The following CPA6 variants were observed in gnomAD, a reference collection of about 807,000 sequenced individuals.
The protein encoded by CPA6 is carboxypeptidase A6.
CPA6 carries 58 observed loss-of-function variants against 63.3 expected under a neutral mutation model. The ratio of observed to expected loss-of-function variants is 0.92; its 90% CI spans 0.74 to 1.14. The LOEUF (loss-of-function observed/expected upper bound fraction) is 1.14, where lower values mean the gene tolerates loss of function less well. Among genes scored for constraint, CPA6 ranks in the 50% most tolerant of loss-of-function variants. The pLI, the probability that CPA6 is intolerant of heterozygous loss-of-function variation, is 0.00. For missense variants in CPA6, 565 were observed against 526.6 expected (o/e 1.07, Z -0.71); for synonymous variants, 185 against 179.0 (o/e 1.03, Z -0.27).
chr8:67,495,256 C>T (rs1344661454), intron 6 of CPA6, among the ~76,000 whole-genome samples: 4 of 152,180 alleles, frequency 2.6e-5, no homozygotes, highest in Non-Finnish European at 5.9e-5. Context: ...CCATCCTCCT[C>T]TTCCATTCCC....
intron 1 of CPA6, among the ~76,000 whole-genome samples, chr8:67,670,161 G>A (rs747515947): frequency 2.0e-5 from 3 of 152,116 alleles, no homozygotes; most frequent in Admixed American, 6.5e-5. Context: ...AAAGAAATAC[G>A]TGAGACTGTG....
At chr8:67,720,561 C>A (rs900471892) in intron 1 of CPA6, among the ~76,000 whole-genome samples, 2 of 144,564 alleles carry the variant, frequency 1.4e-5, no homozygotes, top group Non-Finnish European at 1.5e-5. Context: ...CAGAAACGGG[C>A]GGGAGGGGAT....
intron 6 of CPA6, among the ~76,000 whole-genome samples, chr8:67,488,552 A>G (rs1406102963): frequency 1.3e-5 from 2 of 152,190 alleles, no homozygotes; most frequent in East Asian, 1.9e-4. Context: ...TTTTGGTTCC[A>G]TATGAACTTC....
intron 1 of CPA6, among the ~76,000 whole-genome samples, chr8:67,731,447 G>A (rs72659215): frequency 6.6e-6 from 1 of 152,126 alleles, no homozygotes; most frequent in Non-Finnish European, 1.5e-5. Flanking sequence ...TTTCTCACAG[G>A]GACCAACTGA....
At chr8:67,586,339 A>G (rs1367927784) in intron 2 of CPA6, among the ~76,000 whole-genome samples, 2 of 152,154 alleles carry the variant, frequency 1.3e-5, no homozygotes, top group Non-Finnish European at 2.9e-5. Flanking sequence ...GGTGAAGTCC[A>G]TATAGAGGTA....
intron 1 of CPA6, among the ~76,000 whole-genome samples, chr8:67,705,391 T>C (rs1465895921): frequency 6.6e-6 from 1 of 152,182 alleles, no homozygotes; most frequent in Admixed American, 6.5e-5. Context: ...TCCCTTTGGG[T>C]TTAAGAGCTG....
At chr8:67,699,853 C>G (rs574251311) in intron 1 of CPA6, among the ~76,000 whole-genome samples, 1 of 152,174 alleles carries the variant, frequency 6.6e-6, no homozygotes, top group Admixed American at 6.5e-5. Context: ...CCTCCCAGAG[C>G]GTTAGGATTA....
At chr8:67,491,647 G>C (rs1368694850) in intron 6 of CPA6, among the ~76,000 whole-genome samples, 2 of 152,012 alleles carry the variant, frequency 1.3e-5, no homozygotes, top group East Asian at 3.9e-4. Context: ...GGTTGTATTT[G>C]CTCATGAGAA....
At chr8:67,455,692 A>AAAAAAAAAAC (rs1810658661) in intron 8 of CPA6, among the ~76,000 whole-genome samples, 1 of 149,868 alleles carries the variant, frequency 6.7e-6, no homozygotes, top group African/African-American at 2.4e-5. Context: ...AAAAAAAAAA[A>AAAAAAAAAAC]AGAAAATGAT....
intron 1 of CPA6, among the ~76,000 whole-genome samples, chr8:67,650,595 C>A (rs1324246771): frequency 6.6e-6 from 1 of 152,074 alleles, no homozygotes; most frequent in Non-Finnish European, 1.5e-5. Context: ...CAGAGAAATG[C>A]CATGTGCTGG....
chr8:67,738,757 T>TA (rs2129004009), intron 1 of CPA6, among the ~76,000 whole-genome samples: 1 of 48,914 alleles, frequency 2.0e-5, no homozygotes, highest in South Asian at 4.5e-4. Context: ...AGCTTTGTAT[T>TA]ACGCATTAAA....
At chr8:67,522,053 G>A (rs528651594) in intron 2 of CPA6, among the ~76,000 whole-genome samples, 4 of 152,240 alleles carry the variant, frequency 2.6e-5, no homozygotes, top group Admixed American at 6.5e-5. Context: ...GGTGAAACCC[G>A]ATCTTCATGC....
At chr8:67,549,159 G>C (rs977912041) in intron 2 of CPA6, among the ~76,000 whole-genome samples, 4 of 152,104 alleles carry the variant, frequency 2.6e-5, no homozygotes, top group African/African-American at 9.7e-5. Flanking sequence ...TTAAAAATGA[G>C]AGCAATCATA....
At chr8:67,568,109 G>C (rs1074413) in intron 2 of CPA6, among the ~76,000 whole-genome samples, 11,391 of 152,152 alleles carry the variant, frequency 0.075, 528 homozygotes, top group East Asian at 0.16. Flanking sequence ...GGGTCAGTAC[G>C]AGCTGGCCCA....
At chr8:67,613,665 A>C (rs975873174) in intron 2 of CPA6, among the ~76,000 whole-genome samples, 6 of 152,242 alleles carry the variant, frequency 3.9e-5, no homozygotes, top group African/African-American at 1.4e-4. Context: ...TGATATGGAC[A>C]GGAGACCGGG....
intron 6 of CPA6, among the ~76,000 whole-genome samples, chr8:67,498,092 T>A (rs1163989706): frequency 6.6e-6 from 1 of 152,238 alleles, no homozygotes; most frequent in Non-Finnish European, 1.5e-5. Context: ...GTCTCTTTGC[T>A]CTTCTGTAGA....
At chr8:67,538,701 C>T (rs1021990070) in intron 2 of CPA6, among the ~76,000 whole-genome samples, 4 of 151,938 alleles carry the variant, frequency 2.6e-5, no homozygotes, top group Admixed American at 6.6e-5. Context: ...GCTCTGTTGC[C>T]GAGGCTGGAG....
intron 1 of CPA6, among the ~76,000 whole-genome samples, chr8:67,741,324 G>A (rs1375368268): frequency 6.6e-6 from 1 of 152,156 alleles, no homozygotes; most frequent in East Asian, 1.9e-4. Context: ...GTGCAGCAGG[G>A]CTAGATGATC....
chr8:67,588,648 T>A (rs1366072586), intron 2 of CPA6, among the ~76,000 whole-genome samples: 1 of 152,160 alleles, frequency 6.6e-6, no homozygotes, highest in Non-Finnish European at 1.5e-5. Context: ...ATATCTTTTT[T>A]AAAAAGAGAA....
Sources: allele counts gnomAD v4.1 joint callset (sites outside exome capture counted in the v4.1 genomes callset), GRCh38; gene constraint gnomAD v4.1.1; transcripts MANE v1.5; gene names NCBI Gene and HGNC (gene_info 2026-07-23, HGNC 2026-07-21).